The following PAPPA2 variants were observed in gnomAD, a reference collection of about 807,000 sequenced individuals.
The protein encoded by PAPPA2 is pappalysin 2, also known as pappalysin-2.
PAPPA2 carries 86 observed loss-of-function variants against 176.4 expected under a neutral mutation model. The ratio of observed to expected loss-of-function variants is 0.49; its 90% CI spans 0.41 to 0.58. The LOEUF is 0.58. PAPPA2 is among the 20% of genes least tolerant of loss of function. PAPPA2 has a pLI of 0.00. For synonymous variants in PAPPA2, 809 were observed against 852.2 expected (o/e 0.95, Z 0.88); for missense variants, 2,073 against 2,256.9 (o/e 0.92, Z 1.65).
Position 176,690,135 on chromosome 1 carries a change from A to G in PAPPA2, c.2138-2A>G. ...AAAGGCTTTTCAAAACTTTCATTGC[A>G]GGTGGCATTGTCCTCAGCCCAGCAT... On this transcript the variant is annotated splice_acceptor_variant, in intron 4 of 22. Transcript: ENST00000367662. LOFTEE classifies it high-confidence loss of function. 3.8e-6 allele frequency: 6 copies of G among 1,592,340 alleles called. No individual in the cohort carries two copies. The highest frequency in any genetic ancestry group is 5.2e-6 in the Non-Finnish European group (6 of 1,163,722).
At chr1:176,468,103 G>A (rs1319179550) in intron 1 of PAPPA2, among the ~76,000 whole-genome samples, 1 of 152,294 alleles carries the variant, frequency 6.6e-6, no homozygotes, top group East Asian at 1.9e-4. Context: ...AAGGTTTGTG[G>A]ATTCAAGTAG....
At chr1:176,667,150 G>A (rs1201152837) in intron 3 of PAPPA2, among the ~76,000 whole-genome samples, 1 of 152,052 alleles carries the variant, frequency 6.6e-6, no homozygotes, top group Non-Finnish European at 1.5e-5. Context: ...GAAGGCTGAG[G>A]CAGGAGAATC....
intron 21 of PAPPA2, among the ~76,000 whole-genome samples, chr1:176,822,456 C>G (rs995088611): frequency 2.6e-5 from 4 of 152,162 alleles, no homozygotes; most frequent in Admixed American, 1.3e-4. Flanking sequence ...TTTGGCACCT[C>G]AACTCCCACA....
intron 3 of PAPPA2, among the ~76,000 whole-genome samples, chr1:176,667,449 C>G (rs762758371): frequency 3.3e-5 from 5 of 152,100 alleles, no homozygotes; most frequent in Non-Finnish European, 5.9e-5. Context: ...TTCCATGCAC[C>G]TAAGAGCAAA....
chr1:176,702,769 G>GTA, intron 9 of PAPPA2, 34 bp downstream of exon 9: 1 of 1,573,284 alleles, frequency 6.4e-7, no homozygotes, highest in South Asian at 1.1e-5. Flanking sequence ...GTGTGTGTGT[G>GTA]TGTGTGTGAG....
intron 1 of PAPPA2, among the ~76,000 whole-genome samples, chr1:176,510,663 T>C (rs968216467): frequency 6.6e-6 from 1 of 152,034 alleles, no homozygotes; most frequent in African/African-American, 2.4e-5. Context: ...AGTCGTTTTA[T>C]AGTTTATAAT....
intron 3 of PAPPA2, among the ~76,000 whole-genome samples, chr1:176,648,139 T>G (rs1657519628): frequency 6.6e-6 from 1 of 151,684 alleles, no homozygotes; most frequent in Non-Finnish European, 1.5e-5. Context: ...GTTTTTTGTA[T>G]AGACTTTTAA....
chr1:176,524,644 G>A (rs1484857776), intron 1 of PAPPA2, among the ~76,000 whole-genome samples: 1 of 152,178 alleles, frequency 6.6e-6, no homozygotes, highest in Non-Finnish European at 1.5e-5. Flanking sequence ...ATGGGGTAAA[G>A]AAGTTTTTTT....
At chr1:176,769,820 C>A (rs1342520744) in intron 16 of PAPPA2, 36 bp downstream of exon 16, 8 of 1,545,338 alleles carry the variant, frequency 5.2e-6, no homozygotes, top group Non-Finnish European at 7.0e-6. Context: ...TATGCAAGTT[C>A]TCTGCCATCC....
In PAPPA2 at chr1:176,770,137, C is replaced by T. The variant is rs567676909; in HGVS notation, c.4501+353C>T. Reference sequence around the variant, plus strand: ...TTTAAAATTTAATATTTACAGCCATCCTTTGAGCAATGTGTGAATTTGTCC... The same window carrying T: ...TTTAAAATTTAATATTTACAGCCATTCTTTGAGCAATGTGTGAATTTGTCC... On this transcript the variant is annotated intron_variant, in intron 16 of 22. Coordinates refer to ENST00000367662, the MANE Select transcript of PAPPA2 (RefSeq NM_020318.3). Among the ~76,000 whole-genome samples the T allele has an allele frequency of 3.7e-4, 57 of 152,240 alleles. 1 individual carries two copies. Among genetic ancestry groups the T allele is most frequent in the Middle Eastern group, 6.8e-3 (2 of 294 alleles).
intron 4 of PAPPA2, among the ~76,000 whole-genome samples, chr1:176,680,304 G>A (rs551872810): frequency 6.6e-6 from 1 of 152,228 alleles, no homozygotes; most frequent in South Asian, 2.1e-4. Flanking sequence ...TTTATAAATA[G>A]CGAGTGTTCA....
chr1:176,669,277 C>G (rs1658847956), intron 3 of PAPPA2, among the ~76,000 whole-genome samples: 1 of 152,122 alleles, frequency 6.6e-6, no homozygotes, highest in Non-Finnish European at 1.5e-5. Context: ...CTTCCCCCTT[C>G]TTTTCTTTTC....
chr1:176,678,845 A>G (rs1248323619), intron 4 of PAPPA2, among the ~76,000 whole-genome samples: 6 of 152,266 alleles, frequency 3.9e-5, no homozygotes, highest in Non-Finnish European at 5.9e-5. Context: ...AGAAAAGTAT[A>G]TAAATGTGTG....
At chr1:176,478,960 T>G (rs895972387) in intron 1 of PAPPA2, among the ~76,000 whole-genome samples, 1 of 152,200 alleles carries the variant, frequency 6.6e-6, no homozygotes, top group Admixed American at 6.5e-5. Context: ...AGATCTAAGT[T>G]ATACAGGGCC....
intron 14 of PAPPA2, among the ~76,000 whole-genome samples, chr1:176,747,669 A>T (rs1174615203): frequency 6.6e-6 from 1 of 152,230 alleles, no homozygotes; most frequent in East Asian, 1.9e-4. Flanking sequence ...TAATAATATT[A>T]CTATAAATAT....
chr1:176,540,466 G>T (rs1349802049), intron 1 of PAPPA2, among the ~76,000 whole-genome samples: 1 of 152,170 alleles, frequency 6.6e-6, no homozygotes, highest in Non-Finnish European at 1.5e-5. Flanking sequence ...AGCACTGATA[G>T]CAATGTCTTA....
chr1:176,718,429 T>C lies in PAPPA2; in HGVS notation c.3798+6448T>C, dbSNP rs79784852. ...ATCTTATTTTTCATTAATTCCTTTA[T>C]GTTTGCATTAACTTGTTCTTTTTCT... On this transcript the variant is annotated intron_variant, in intron 12 of 22. Transcript: ENST00000367662. 1.1e-3 allele frequency among the ~76,000 whole-genome samples: 174 copies of C among 152,214 alleles called. 2 individuals are homozygous for C. The East Asian group carries it at 0.02, about 18-fold the overall frequency.
chr1:176,497,817 T>G (rs1289611805), intron 1 of PAPPA2, among the ~76,000 whole-genome samples: 1 of 152,180 alleles, frequency 6.6e-6, no homozygotes, highest in Non-Finnish European at 1.5e-5. Flanking sequence ...GTACTATCAT[T>G]TTTTCAACAT....
At chr1:176,834,030 G>T (rs186131255) in intron 21 of PAPPA2, among the ~76,000 whole-genome samples, 63 of 152,224 alleles carry the variant, frequency 4.1e-4, no homozygotes, top group African/African-American at 1.4e-3. Flanking sequence ...GGAAGGATCT[G>T]GTCATAAAGT....
Sources: gnomAD v4.1 joint callset for allele counts (sites outside exome capture counted in the v4.1 genomes callset) on GRCh38, gnomAD v4.1.1 for gene constraint, MANE v1.5 for transcripts, NCBI Gene and HGNC (gene_info 2026-07-23, HGNC 2026-07-21) for gene names.